Variants in PCNX2 observed in about 807,000 individuals in gnomAD.
PCNX2 encodes the protein pecanex-like protein 2.
A neutral mutation model predicts 223.8 loss-of-function variants in PCNX2; 168 were observed. The ratio of observed to expected loss-of-function variants is 0.75; its 90% CI spans 0.66 to 0.85. PCNX2 has a LOEUF of 0.85. Ranked by LOEUF, PCNX2 falls within the 40% of genes least tolerant of loss-of-function variation. The probability of loss-of-function intolerance (pLI) is 0.00; values close to 1 mark genes in which losing one functional copy is unlikely to be tolerated. For missense variants in PCNX2, 2,507 were observed against 2,675.5 expected (o/e 0.94, Z 1.39); for synonymous variants, 1,006 against 1,052.6 (o/e 0.96, Z 0.86).
intron 25 of PCNX2, among the ~76,000 whole-genome samples, chr1:233,027,921 C>A (rs1381725871): frequency 6.6e-6 from 1 of 152,234 alleles, no homozygotes; most frequent in Non-Finnish European, 1.5e-5. Flanking sequence ...GCATCCCACA[C>A]ATTTTTTATA....
rs189770034 is a variant in PCNX2, at chr1:233,129,320, G to A, written c.3837+5693C>T. On this transcript the variant is annotated intron_variant, in intron 21 of 33. Coordinates refer to ENST00000258229, the MANE Select transcript of PCNX2 (RefSeq NM_014801.4). Reference sequence around the variant, plus strand: ...CCACCGGTGCTGCCCTCGATTTCTCGCCGGGCCTTAGCTGCCTCCCCACGG... The same window carrying A: ...CCACCGGTGCTGCCCTCGATTTCTCACCGGGCCTTAGCTGCCTCCCCACGG... 5.3e-4 allele frequency among the ~76,000 whole-genome samples: 80 copies of A among 151,602 alleles called. 1 individual carries two copies. Among genetic ancestry groups the A allele is most frequent in the Admixed American group, 4.4e-3 (67 of 15,194 alleles).
intron 21 of PCNX2, among the ~76,000 whole-genome samples, chr1:233,129,077 G>C (rs375751055): frequency 7.2e-5 from 11 of 152,376 alleles, no homozygotes; most frequent in African/African-American, 2.6e-4. Context: ...TCTCTGGGGT[G>C]GTTGAAGCCA....
chr1:233,070,779 G>A (rs2102902788), intron 23 of PCNX2, among the ~76,000 whole-genome samples: 1 of 152,292 alleles, frequency 6.6e-6, no homozygotes, highest in South Asian at 2.1e-4. Flanking sequence ...GCTCATGCCT[G>A]TAATCCCAGC....
At chr1:233,300,150 C>G (rs900851325), upstream of PCNX2, among the ~76,000 whole-genome samples, 1 of 152,212 alleles carries the variant, frequency 6.6e-6, no homozygotes, top group African/African-American at 2.4e-5. Context: ...ATTGTATTGA[C>G]TTTACCAATA....
chr1:233,037,565 T>G (rs1671499289), intron 25 of PCNX2, among the ~76,000 whole-genome samples: 1 of 151,850 alleles, frequency 6.6e-6, no homozygotes, highest in African/African-American at 2.4e-5. Flanking sequence ...AGGCTGGTCT[T>G]GTACACCTGG....
At chr1:233,073,590 C>T (rs1304582162) in intron 23 of PCNX2, among the ~76,000 whole-genome samples, 2 of 151,150 alleles carry the variant, frequency 1.3e-5, no homozygotes, top group Non-Finnish European at 2.9e-5. Flanking sequence ...GGCCACCATA[C>T]CTGGTAATAT....
At chr1:233,080,931 C>G (rs938024964) in intron 23 of PCNX2, among the ~76,000 whole-genome samples, 15 of 152,156 alleles carry the variant, frequency 9.9e-5, no homozygotes, top group Non-Finnish European at 4.4e-5. Flanking sequence ...CCTGTTAGCT[C>G]CCAGTTAAAA....
intron 23 of PCNX2, among the ~76,000 whole-genome samples, chr1:233,085,463 G>A (rs886100654): frequency 2.0e-5 from 3 of 152,182 alleles, no homozygotes; most frequent in Admixed American, 6.5e-5. Flanking sequence ...ATTTACTGAT[G>A]GCCATAGCAG....
chr1:233,020,174 G>T (rs370846386), intron 26 of PCNX2, among the ~76,000 whole-genome samples: 1 of 152,186 alleles, frequency 6.6e-6, no homozygotes, highest in Admixed American at 6.5e-5. Flanking sequence ...CCTCCTCTCC[G>T]TCTGGCAAAA....
chr1:233,202,950 C>T (rs565256419), intron 13 of PCNX2, among the ~76,000 whole-genome samples: 21 of 152,284 alleles, frequency 1.4e-4, no homozygotes, highest in Admixed American at 8.5e-4. Context: ...ACCTATTCTA[C>T]GGTAGGGCAG....
intron 21 of PCNX2, among the ~76,000 whole-genome samples, chr1:233,112,688 T>C (rs568023754): frequency 1.3e-5 from 2 of 152,218 alleles, no homozygotes; most frequent in Non-Finnish European, 2.9e-5. Context: ...GTTAGCGGGA[T>C]GAATGTGTCT....
At chr1:233,083,081 C>T (rs978992099) in intron 23 of PCNX2, among the ~76,000 whole-genome samples, 2 of 152,140 alleles carry the variant, frequency 1.3e-5, no homozygotes, top group African/African-American at 4.8e-5. Flanking sequence ...AATAATGAGA[C>T]ATTTTAGATT....
At chr1:233,203,462 C>T (rs1299891695) in intron 13 of PCNX2, among the ~76,000 whole-genome samples, 7 of 152,088 alleles carry the variant, frequency 4.6e-5, no homozygotes, top group Non-Finnish European at 1.5e-5. Flanking sequence ...AGGAAAAGTG[C>T]ACCGAGTAAT....
intron 13 of PCNX2, chr1:233,202,218 T>A: frequency 4.3e-6 from 2 of 468,370 alleles, no homozygotes; most frequent in Non-Finnish European, 8.8e-6. Flanking sequence ...TTTTCAGAAG[T>A]AAAAAAGTCT....
intron 9 of PCNX2, among the ~76,000 whole-genome samples, chr1:233,236,154 C>A (rs535198663): frequency 1.3e-5 from 2 of 151,656 alleles, no homozygotes; most frequent in East Asian, 3.9e-4. Context: ...AGGGCCTAAC[C>A]GAAGTATTTC....
intron 1 of PCNX2, among the ~76,000 whole-genome samples, chr1:233,277,136 T>C (rs945197891): frequency 5.9e-5 from 9 of 152,160 alleles, no homozygotes; most frequent in Non-Finnish European, 1.0e-4. Flanking sequence ...CCTGTGCAGC[T>C]GACTGCCTGG....
At chr1:233,279,060 C>G (rs916145704) in intron 1 of PCNX2, among the ~76,000 whole-genome samples, 1 of 152,072 alleles carries the variant, frequency 6.6e-6, no homozygotes, top group African/African-American at 2.4e-5. Flanking sequence ...CCAAAGAGCT[C>G]TAGTTTCTTT....
At chr1:233,236,633 C>G (rs544475234) in intron 9 of PCNX2, among the ~76,000 whole-genome samples, 1 of 152,320 alleles carries the variant, frequency 6.6e-6, no homozygotes, top group Non-Finnish European at 1.5e-5. Context: ...CAGTGGCAAT[C>G]CTGTTAATAT....
chr1:233,002,790 C>T (rs1165529574), intron 28 of PCNX2, among the ~76,000 whole-genome samples: 1 of 152,210 alleles, frequency 6.6e-6, no homozygotes, highest in East Asian at 1.9e-4. Context: ...CAGCATGGTA[C>T]TGGTACCAAA....
Sources: allele counts gnomAD v4.1 joint callset (sites outside exome capture counted in the v4.1 genomes callset), GRCh38; gene constraint gnomAD v4.1.1; transcripts MANE v1.5; gene names NCBI Gene and HGNC (gene_info 2026-07-23, HGNC 2026-07-21).